The following ADAMTS12 variants were observed in gnomAD, a reference collection of about 807,000 sequenced individuals.
ADAMTS12 encodes A disintegrin and metalloproteinase with thrombospondin motifs 12.
Under a neutral mutation model 167.8 loss-of-function variants are expected in ADAMTS12, and 118 were observed. The ratio of observed to expected loss-of-function variants is 0.70; its 90% CI spans 0.61 to 0.82. The LOEUF (loss-of-function observed/expected upper bound fraction) is 0.82, where lower values mean the gene tolerates loss of function less well. Ranked by LOEUF, ADAMTS12 falls within the 40% of genes least tolerant of loss-of-function variation. ADAMTS12 has a pLI of 0.00. For missense variants in ADAMTS12, 1,916 were observed against 1,998.8 expected (o/e 0.96, Z 0.79); for synonymous variants, 704 against 716.9 (o/e 0.98, Z 0.29).
chr5:33,809,984 A>G (rs1747389753), intron 2 of ADAMTS12, among the ~76,000 whole-genome samples: 2 of 17,182 alleles, frequency 1.2e-4, no homozygotes, highest in African/African-American at 1.7e-4. Flanking sequence ...AGTTTAACAG[A>G]AAAAAAAAAA....
chr5:33,742,864 G>A (rs902962194), intron 3 of ADAMTS12, among the ~76,000 whole-genome samples: 1 of 152,184 alleles, frequency 6.6e-6, no homozygotes, highest in African/African-American at 2.4e-5. Context: ...TATTTGCCTG[G>A]ATTGAGCATA....
Position 33,648,984 on chromosome 5 carries a change from G to T in ADAMTS12, c.1335-18C>A. 3 of 1,612,290 alleles carry T rather than the reference G, an allele frequency of 1.9e-6. No individual in the cohort carries two copies. Among genetic ancestry groups the T allele is most frequent in the Non-Finnish European group, 2.5e-6 (3 of 1,178,810 alleles). Reference sequence around the variant, plus strand: ...AGCCTCGGCTGAAAACAAGTTAACAGAAATGAGAGGAGTTGTTTAGGATTC... The same window carrying T: ...AGCCTCGGCTGAAAACAAGTTAACATAAATGAGAGGAGTTGTTTAGGATTC... On this transcript the variant is annotated intron_variant, in intron 8 of 23. Coordinates refer to ENST00000504830, the MANE Select transcript of ADAMTS12 (RefSeq NM_030955.4).
intron 12 of ADAMTS12, among the ~76,000 whole-genome samples, chr5:33,632,415 A>ACAAACAAACAAACAAACAAT (rs1739988783): frequency 6.6e-6 from 1 of 151,540 alleles, no homozygotes; most frequent in African/African-American, 2.4e-5. Context: ...AAACAAACAA[A>ACAAACAAACAAACAAACAAT]AAAGCTTAAA....
chr5:33,578,707 CAT>C (rs1448058042), intron 18 of ADAMTS12, among the ~76,000 whole-genome samples: 2 of 152,202 alleles, frequency 1.3e-5, no homozygotes, highest in African/African-American at 4.8e-5. Context: ...ATAATATTGA[CAT>C]AGAAAACTTC....
chr5:33,620,467 C>T (rs181399341), intron 14 of ADAMTS12, among the ~76,000 whole-genome samples: 2 of 152,292 alleles, frequency 1.3e-5, no homozygotes, highest in Admixed American at 6.5e-5. Context: ...GCGTTTTAAA[C>T]AGATATTTGC....
chr5:33,868,719 T>C (rs1749920497), intron 2 of ADAMTS12, among the ~76,000 whole-genome samples: 1 of 152,246 alleles, frequency 6.6e-6, no homozygotes, highest in Admixed American at 6.5e-5. Context: ...CCATGGCCCA[T>C]TGGTCACATG....
chr5:33,807,116 C>A (rs1329450467), intron 2 of ADAMTS12, among the ~76,000 whole-genome samples: 1 of 152,220 alleles, frequency 6.6e-6, no homozygotes, highest in Non-Finnish European at 1.5e-5. Flanking sequence ...TTTCTCCTTT[C>A]TCTGTCTGTT....
intron 7 of ADAMTS12, among the ~76,000 whole-genome samples, chr5:33,656,208 G>C (rs1273640589): frequency 6.6e-6 from 1 of 152,122 alleles, no homozygotes; most frequent in Non-Finnish European, 1.5e-5. Flanking sequence ...AAGTGATTCA[G>C]GTAGTGACTC....
intron 7 of ADAMTS12, among the ~76,000 whole-genome samples, chr5:33,655,303 A>G (rs1056704438): frequency 2.0e-5 from 3 of 152,090 alleles, no homozygotes; most frequent in Non-Finnish European, 4.4e-5. Flanking sequence ...GCTCTGCTGA[A>G]AGTATCAAGG....
chr5:33,760,243 G>C lies in ADAMTS12; in HGVS notation c.490-8695C>G, dbSNP rs376391651. ...TAGTAATGGCCCCAATTAACACTTA[G>C]TTAACCTTCATCATCAAAAGAAGTT... On this transcript the variant is annotated intron_variant, in intron 2 of 23. Transcript: ENST00000504830. 4.6e-5 allele frequency among the ~76,000 whole-genome samples: 7 copies of C among 152,082 alleles called. No individual in the cohort carries two copies. In the East Asian group the frequency reaches 9.6e-4, roughly 21 times the overall value.
chr5:33,806,788 C>T (rs912105376), intron 2 of ADAMTS12, among the ~76,000 whole-genome samples: 3 of 152,156 alleles, frequency 2.0e-5, no homozygotes, highest in Non-Finnish European at 4.4e-5. Flanking sequence ...AGATTTCCAA[C>T]GCATCCTATT....
intron 3 of ADAMTS12, among the ~76,000 whole-genome samples, chr5:33,709,981 T>A (rs1743335475): frequency 6.6e-6 from 1 of 152,120 alleles, no homozygotes; most frequent in South Asian, 2.1e-4. Flanking sequence ...GTGTACGAGA[T>A]TCTAATTCCA....
chr5:33,673,938 C>A (rs895627318), intron 5 of ADAMTS12, among the ~76,000 whole-genome samples: 3 of 152,150 alleles, frequency 2.0e-5, no homozygotes, highest in African/African-American at 7.2e-5. Flanking sequence ...TTCCCTGCCC[C>A]CTAGTCTGGT....
chr5:33,790,571 A>G (rs1746494825), intron 2 of ADAMTS12, among the ~76,000 whole-genome samples: 1 of 145,906 alleles, frequency 6.9e-6, no homozygotes, highest in Non-Finnish European at 1.5e-5. Flanking sequence ...AAAAAAAAAA[A>G]GAAAAAAGAA....
At chr5:33,861,056 C>T (rs535130624) in intron 2 of ADAMTS12, among the ~76,000 whole-genome samples, 9 of 152,106 alleles carry the variant, frequency 5.9e-5, no homozygotes, top group South Asian at 2.1e-4. Context: ...AAGGAAAAAC[C>T]GGTGTCAGCC....
chr5:33,606,695 T>C (rs1019617645), intron 16 of ADAMTS12, among the ~76,000 whole-genome samples: 19 of 152,176 alleles, frequency 1.2e-4, no homozygotes, highest in Non-Finnish European at 1.2e-4. Flanking sequence ...ACACAAACCA[T>C]TGTTATTCTT....
At chr5:33,552,922 C>T (rs1745315752) in intron 20 of ADAMTS12, among the ~76,000 whole-genome samples, 1 of 152,122 alleles carries the variant, frequency 6.6e-6, no homozygotes, top group Non-Finnish European at 1.5e-5. Flanking sequence ...AACAGACAAT[C>T]TACAGAATGG....
At chr5:33,788,260 T>G (rs2112452606) in intron 2 of ADAMTS12, among the ~76,000 whole-genome samples, 1 of 152,208 alleles carries the variant, frequency 6.6e-6, no homozygotes, top group South Asian at 2.1e-4. Flanking sequence ...CTAAAGGAGG[T>G]ACATTAACAG....
chr5:33,699,749 A>G (rs1053244861), intron 3 of ADAMTS12, among the ~76,000 whole-genome samples: 1 of 152,214 alleles, frequency 6.6e-6, no homozygotes, highest in Non-Finnish European at 1.5e-5. Context: ...CTAAAAAGAA[A>G]AAGCCCATTT....
Sources: allele counts gnomAD v4.1 joint callset (sites outside exome capture counted in the v4.1 genomes callset), GRCh38; gene constraint gnomAD v4.1.1; transcripts MANE v1.5; gene names NCBI Gene and HGNC (gene_info 2026-07-23, HGNC 2026-07-21).